The following AGPAT4 variants were observed in gnomAD, a reference collection of about 807,000 sequenced individuals.
The protein encoded by AGPAT4 is 1-acylglycerol-3-phosphate O-acyltransferase 4, also known as 1-acyl-sn-glycerol-3-phosphate acyltransferase delta.
In AGPAT4, 15 loss-of-function variants were observed where a neutral mutation model predicts 48.0. That is an observed-to-expected ratio of 0.31 (90% CI 0.21 to 0.48). AGPAT4 has a LOEUF of 0.48. Among genes scored for constraint, AGPAT4 ranks in the 20% least tolerant of loss-of-function variants. The probability of loss-of-function intolerance (pLI) is 0.99; values close to 1 mark genes in which losing one functional copy is unlikely to be tolerated. For synonymous variants in AGPAT4, 178 were observed against 198.7 expected (o/e 0.90, Z 0.88); for missense variants, 314 against 482.5 (o/e 0.65, Z 3.27).
Position 161,202,639 on chromosome 6 carries a change from G to A in AGPAT4, c.178+29397C>T, listed in dbSNP as rs191329989. ...TGGCTACAATAATATTGTATATCCC[G>A]CAGGCTCTTCTAGAATGTAAGTCAT... On this transcript the variant is annotated intron_variant, in intron 2 of 8. Transcript: ENST00000320285. The surrounding 1 kb of genome is among the most constrained non-coding windows in gnomAD (Gnocchi z 5.4). 2.5e-4 allele frequency among the ~76,000 whole-genome samples: 38 copies of A among 152,082 alleles called. No individual in the cohort carries two copies. The East Asian group carries it at 5.2e-3, about 21-fold the overall frequency.
chr6:161,196,089 A>G lies in AGPAT4; in HGVS notation c.179-29672T>C, dbSNP rs1781058811. ...AGGCTTAATGACCCACCATCCCAAG[A>G]CAGAAATATAACCCTGACCTCTTTC... is the stretch of plus-strand genomic sequence containing the variant. On this transcript the variant is annotated intron_variant, in intron 2 of 8. Coordinates refer to ENST00000320285, the MANE Select transcript of AGPAT4 (RefSeq NM_020133.3). The surrounding 1 kb of genome is among the most constrained non-coding windows in gnomAD (Gnocchi z 4.3). 6.6e-6 allele frequency among the ~76,000 whole-genome samples: 1 copy of G among 152,154 alleles called. No homozygotes were observed. Among genetic ancestry groups the G allele is most frequent in the Non-Finnish European group, 1.5e-5 (1 of 68,034 alleles).
chr6:161,189,280 C>T lies in AGPAT4; in HGVS notation c.179-22863G>A, dbSNP rs1780856329. Among the ~76,000 whole-genome samples, 1 of 152,150 alleles carries T rather than the reference C, an allele frequency of 6.6e-6. No homozygotes were observed. The highest frequency in any genetic ancestry group is 2.1e-4 in the South Asian group (1 of 4,828). ...ACTGTCCTGCCTCCTCCCCATCTGG[C>T]TCTTGTGGTGAAGTCTAATGAGTGT... On this transcript the variant is annotated intron_variant, in intron 2 of 8. Coordinates refer to ENST00000320285, the MANE Select transcript of AGPAT4 (RefSeq NM_020133.3). This position sits in a 1 kb window ranked among gnomAD's most constrained non-coding sequence, Gnocchi z 5.3.
intron 1 of AGPAT4, among the ~76,000 whole-genome samples, chr6:161,273,183 C>T (rs541002045): frequency 3.9e-4 from 60 of 152,228 alleles, no homozygotes; most frequent in African/African-American, 1.3e-3. Context: ...TAAAAAAAGA[C>T]CAGACACTGA....
intron 1 of AGPAT4, among the ~76,000 whole-genome samples, chr6:161,237,948 C>T (rs911756734): frequency 1.3e-5 from 2 of 151,796 alleles, no homozygotes; most frequent in African/African-American, 4.8e-5. Flanking sequence ...TTGGCATGCT[C>T]TATTAAAGTC....
intron 2 of AGPAT4, among the ~76,000 whole-genome samples, chr6:161,207,005 T>G (rs572431586): frequency 6.6e-6 from 1 of 152,296 alleles, no homozygotes; most frequent in Non-Finnish European, 1.5e-5. Flanking sequence ...AATAGTCCTT[T>G]CAGTTATCTA....
rs1298072835 is a variant in AGPAT4, at chr6:161,135,522, G to C, written c.*1018C>G. On this transcript the variant is annotated 3_prime_UTR_variant, in exon 9 of 9. Coordinates refer to ENST00000320285, the MANE Select transcript of AGPAT4 (RefSeq NM_020133.3). ...AAGCCTGGGGGTTTTTTGTACATGG[G>C]ATGTCGGCTCTGATTTGACCCTCAT... 1 of 152,272 alleles carries C rather than the reference G, an allele frequency of 6.6e-6. No homozygotes were observed. The highest frequency in any genetic ancestry group is 1.5e-5 in the Non-Finnish European group (1 of 68,098). 9.4% of individuals were successfully genotyped at this position (152,272 alleles called of 1,614,324 possible).
At chr6:161,252,469 G>C (rs1242039852) in intron 1 of AGPAT4, among the ~76,000 whole-genome samples, 2 of 152,044 alleles carry the variant, frequency 1.3e-5, no homozygotes, top group East Asian at 3.9e-4. Flanking sequence ...TGAATAAATA[G>C]AAAATAATTA....
At chr6:161,209,307 C>G (rs904361522) in intron 2 of AGPAT4, among the ~76,000 whole-genome samples, 2 of 152,198 alleles carry the variant, frequency 1.3e-5, no homozygotes, top group African/African-American at 4.8e-5. Flanking sequence ...ATCAATTTCA[C>G]CAACAGCTGT....
chr6:161,191,143 G>A (rs1780912832), intron 2 of AGPAT4, among the ~76,000 whole-genome samples: 1 of 152,102 alleles, frequency 6.6e-6, no homozygotes, highest in Non-Finnish European at 1.5e-5. Flanking sequence ...AGTGACAAAT[G>A]GTTTACAAAC....
rs1201431335 is a variant in AGPAT4, at chr6:161,220,076, T to C, written c.178+11960A>G. On this transcript the variant is annotated intron_variant, in intron 2 of 8. Coordinates refer to ENST00000320285, the MANE Select transcript of AGPAT4 (RefSeq NM_020133.3). The surrounding 1 kb of genome is among the most constrained non-coding windows in gnomAD (Gnocchi z 6.0). ...TGTTAAAAAACTTAGAACTCCAGTG[T>C]CCTTGCTTATCACTCTCCATTGAAT... 1.3e-5 allele frequency among the ~76,000 whole-genome samples: 2 copies of C among 152,204 alleles called. No individual in the cohort carries two copies. The highest frequency in any genetic ancestry group is 2.9e-5 in the Non-Finnish European group (2 of 68,030).
rs911788450 is a variant in AGPAT4 at position 161,143,800 on chromosome 6, G to A, written c.843+2724C>T. Among the ~76,000 whole-genome samples the A allele has an allele frequency of 1.3e-5, 2 of 152,190 alleles. No homozygotes were observed. Among genetic ancestry groups the A allele is most frequent in the Non-Finnish European group, 1.5e-5 (1 of 68,046 alleles). ...AGTATAACTGTGTCAGTGGTAGATG[G>A]CGAGTTTCTCTTTATTTATGTCCAT... is the stretch of plus-strand genomic sequence containing the variant. On this transcript the variant is annotated intron_variant, in intron 7 of 8. Coordinates refer to ENST00000320285, the MANE Select transcript of AGPAT4 (RefSeq NM_020133.3). This position sits in a 1 kb window ranked among gnomAD's most constrained non-coding sequence, Gnocchi z 4.7.
At position 161,137,120 on chromosome 6, in the gene AGPAT4, C is replaced by T. The variant is rs976015083; in HGVS notation, c.1043-486G>A. 1.3e-5 allele frequency among the ~76,000 whole-genome samples: 2 copies of T among 152,160 alleles called. No individual in the cohort carries two copies. Among genetic ancestry groups the T allele is most frequent in the Non-Finnish European group, 2.9e-5 (2 of 68,038 alleles). ...CAAGCGTTAGAGCAGTGAGAAAATC[C>T]CCGCCCTCTCCTCTGACGGCAGGAT... On this transcript the variant is annotated intron_variant, in intron 8 of 8. Coordinates refer to ENST00000320285, the MANE Select transcript of AGPAT4 (RefSeq NM_020133.3). The surrounding 1 kb of genome is among the most constrained non-coding windows in gnomAD (Gnocchi z 6.1).
Position 161,145,791 on chromosome 6 carries a change from T to C in AGPAT4, c.843+733A>G, listed in dbSNP as rs535901849. 2.6e-5 allele frequency among the ~76,000 whole-genome samples: 4 copies of C among 151,832 alleles called. No homozygotes were observed. In the South Asian group the frequency reaches 6.2e-4, roughly 24 times the overall value. ...AAGGTCATCAGAATCCTATAGAATA[T>C]ATCTGATTCTAGGGAATGACTTGTT... On this transcript the variant is annotated intron_variant, in intron 7 of 8. Coordinates refer to ENST00000320285, the MANE Select transcript of AGPAT4 (RefSeq NM_020133.3).
Position 161,137,046 on chromosome 6 carries a change from A to G in AGPAT4, c.1043-412T>C, listed in dbSNP as rs1583270567. Among the ~76,000 whole-genome samples the G allele has an allele frequency of 6.6e-6, 1 of 152,348 alleles. No homozygotes were observed. The highest frequency in any genetic ancestry group is 2.1e-4 in the South Asian group (1 of 4,828). Reference sequence around the variant, plus strand: ...AACAGACCAGGAGCCTGGAAGACGCAAGAGCTCGAGTATCGAGTGCCCAAC... The same window carrying G: ...AACAGACCAGGAGCCTGGAAGACGCGAGAGCTCGAGTATCGAGTGCCCAAC... On this transcript the variant is annotated intron_variant, in intron 8 of 8. Transcript: ENST00000320285. The surrounding 1 kb of genome is among the most constrained non-coding windows in gnomAD (Gnocchi z 6.1).
At chr6:161,191,635 T>G (rs543987177) in intron 2 of AGPAT4, among the ~76,000 whole-genome samples, 1 of 152,346 alleles carries the variant, frequency 6.6e-6, no homozygotes, top group African/African-American at 2.4e-5. Flanking sequence ...CTGAAGATGT[T>G]GATTAATTAG....
rs560007702 is a variant in AGPAT4, at chr6:161,229,693, C to T, written c.178+2343G>A. Among the ~76,000 whole-genome samples the T allele has an allele frequency of 1.3e-5, 2 of 152,296 alleles. No individual in the cohort carries two copies. Among genetic ancestry groups the T allele is most frequent in the Admixed American group, 6.5e-5 (1 of 15,296 alleles). ...CCACGAGCCACCCAGGATCATCACC[C>T]TCCCTTTCTACTGTATTCTCTTTTT... is the stretch of plus-strand genomic sequence containing the variant. On this transcript the variant is annotated intron_variant, in intron 2 of 8. Transcript: ENST00000320285. This position sits in a 1 kb window ranked among gnomAD's most constrained non-coding sequence, Gnocchi z 6.0.
chr6:161,144,078 C>A lies in AGPAT4; in HGVS notation c.843+2446G>T. 1.9e-6 allele frequency: 1 copy of A among 524,314 alleles called. No individual in the cohort carries two copies. The highest frequency in any genetic ancestry group is 1.4e-5 in the South Asian group (1 of 69,802). The allele number at this position is 524,314 out of a possible 1,614,324, so 32.5% of individuals were successfully genotyped here. ...ATTTGGGGCACGTAAAGCTTTAGATCTAGGCTCCTAGCAAAATAGGCTGAT... is the reference window on the plus strand; with the variant it reads ...ATTTGGGGCACGTAAAGCTTTAGATATAGGCTCCTAGCAAAATAGGCTGAT... On this transcript the variant is annotated intron_variant, in intron 7 of 8. Transcript: ENST00000320285. The surrounding 1 kb of genome is among the most constrained non-coding windows in gnomAD (Gnocchi z 6.6).
rs904021671 is a variant in AGPAT4 at position 161,235,153 on chromosome 6, C to T, written c.-89-2851G>A. Among the ~76,000 whole-genome samples, 6 of 152,110 alleles carry T rather than the reference C, an allele frequency of 3.9e-5. No individual in the cohort carries two copies. Among genetic ancestry groups the T allele is most frequent in the African/African-American group, 1.4e-4 (6 of 41,412 alleles). The stretch of plus-strand genomic sequence containing the variant: ...GCCCAAGTTTGCAGCTCTGCCCTGT[C>T]TCTTATTAGTTGTGTATTGGTACCC... On this transcript the variant is annotated intron_variant, in intron 1 of 8. Transcript: ENST00000320285. The surrounding 1 kb of genome is among the most constrained non-coding windows in gnomAD (Gnocchi z 6.2).
chr6:161,248,228 C>G (rs1354380998), intron 1 of AGPAT4, among the ~76,000 whole-genome samples: 1 of 151,936 alleles, frequency 6.6e-6, no homozygotes, highest in Non-Finnish European at 1.5e-5. Context: ...CAACAATAGA[C>G]AAGCCAAGAA....
Sources: gnomAD v4.1 joint callset for allele counts (sites outside exome capture counted in the v4.1 genomes callset) on GRCh38, gnomAD v4.1.1 for gene constraint, Gnocchi (gnomAD v3.1) non-coding constraint, MANE v1.5 for transcripts, NCBI Gene and HGNC (gene_info 2026-07-23, HGNC 2026-07-21) for gene names.